SLC4A8: variants seen among roughly 807,000 people sequenced by gnomAD.
SLC4A8 encodes the protein solute carrier family 4 member 8.
A neutral mutation model predicts 125.0 loss-of-function variants in SLC4A8; 40 were observed. That is an observed-to-expected ratio of 0.32 (90% CI 0.25 to 0.42). The LOEUF (loss-of-function observed/expected upper bound fraction) is 0.42, where lower values mean the gene tolerates loss of function less well. Ranked by LOEUF, SLC4A8 falls within the 10% of genes least tolerant of loss-of-function variation. The pLI is 1.00. For missense variants in SLC4A8, 863 were observed against 1,355.1 expected (o/e 0.64, Z 5.70); for synonymous variants, 456 against 476.0 (o/e 0.96, Z 0.55).
intron 8 of SLC4A8, 73 bp from the exon 9 acceptor site, chr12:51,461,131 T>C (rs1364157043): frequency 5.8e-6 from 4 of 687,818 alleles, no homozygotes; most frequent in Non-Finnish European, 1.0e-5. Flanking sequence ...AGAAATCTTA[T>C]ACTGTTTAGA....
At chr12:51,435,824 A>G (rs550259705) in intron 1 of SLC4A8, among the ~76,000 whole-genome samples, 21 of 152,194 alleles carry the variant, frequency 1.4e-4, no homozygotes, top group South Asian at 2.1e-4. Context: ...ACTATCTAAC[A>G]TAATAAGATG....
chr12:51,489,243 A>G (rs967667952), intron 18 of SLC4A8, among the ~76,000 whole-genome samples: 1 of 152,176 alleles, frequency 6.6e-6, no homozygotes, highest in East Asian at 1.9e-4. Flanking sequence ...TATAGTTTCT[A>G]GGCCGAAACT....
intron 17 of SLC4A8, among the ~76,000 whole-genome samples, chr12:51,488,161 G>T (rs1242898365): frequency 6.6e-6 from 1 of 152,208 alleles, no homozygotes; most frequent in Non-Finnish European, 1.5e-5. Flanking sequence ...TGAGCAAAAG[G>T]GGCTTGCTGC....
intron 1 of SLC4A8, among the ~76,000 whole-genome samples, chr12:51,396,903 G>T (rs2137914303): frequency 1.4e-5 from 2 of 143,824 alleles, no homozygotes; most frequent in South Asian, 4.5e-4. Flanking sequence ...AATTTATTAT[G>T]ATTTTACTTC....
At chr12:51,500,695 CT>C (rs146022498) in intron 22 of SLC4A8, among the ~76,000 whole-genome samples, 2 of 150,102 alleles carry the variant, frequency 1.3e-5, no homozygotes, top group African/African-American at 2.4e-5. Flanking sequence ...ATTTTCTTTT[CT>C]TTTTTTTTGA....
intron 1 of SLC4A8, among the ~76,000 whole-genome samples, chr12:51,403,859 T>G (rs1948441209): frequency 6.6e-6 from 1 of 152,262 alleles, no homozygotes; most frequent in Admixed American, 6.5e-5. Context: ...TTGCTAGCAT[T>G]GCTAAAAGGC....
At chr12:51,400,771 TATATATACATACATACACAC>T (rs1369860508) in intron 1 of SLC4A8, among the ~76,000 whole-genome samples, 1 of 4,478 alleles carries the variant, frequency 2.2e-4, no homozygotes, top group African/African-American at 6.6e-4. Flanking sequence ...TATATATATA[TATATATACATACATACACAC>T]ACACACACAC....
chr12:51,469,066 T>C (rs1037967332), intron 11 of SLC4A8: 2 of 153,052 alleles, frequency 1.3e-5, no homozygotes, highest in African/African-American at 4.8e-5. Context: ...AGCAGGGCTG[T>C]TCATGTCTTG....
intron 1 of SLC4A8, among the ~76,000 whole-genome samples, chr12:51,402,744 A>G (rs1384535327): frequency 6.6e-6 from 1 of 152,288 alleles, no homozygotes. Context: ...AATGAAAGCT[A>G]AAGTGGTCAG....
intron 19 of SLC4A8, among the ~76,000 whole-genome samples, 186 bp downstream of exon 19, chr12:51,490,137 A>G (rs1176602061): frequency 1.3e-5 from 2 of 152,216 alleles, no homozygotes; most frequent in Non-Finnish European, 2.9e-5. Context: ...AACAAACATG[A>G]TAACTACAGA....
chr12:51,403,197 A>C (rs1167316519), intron 1 of SLC4A8: 5 of 391,000 alleles, frequency 1.3e-5, no homozygotes. Context: ...ACTCAGAAGC[A>C]CTCCTCGCTA....
chr12:51,468,119 G>T (rs1004145559), intron 11 of SLC4A8, among the ~76,000 whole-genome samples: 1 of 152,092 alleles, frequency 6.6e-6, no homozygotes, highest in African/African-American at 2.4e-5. Context: ...ATAAAATGCC[G>T]AGTGGCTCTT....
chr12:51,419,402 A>G (rs1159309754), intron 1 of SLC4A8, among the ~76,000 whole-genome samples: 8 of 152,230 alleles, frequency 5.3e-5, no homozygotes, highest in East Asian at 1.9e-4. Flanking sequence ...TTATCCCTAA[A>G]TAGATAAGAT....
At chr12:51,442,065 C>T (rs1949615112) in intron 2 of SLC4A8, among the ~76,000 whole-genome samples, 1 of 152,118 alleles carries the variant, frequency 6.6e-6, no homozygotes, top group Admixed American at 6.5e-5. Flanking sequence ...TCCTTTTCAT[C>T]TTCATAGCAC....
rs1592188004 is a variant in SLC4A8, at chr12:51,440,967, C to T, written c.130+178C>T. 3 of 984,076 alleles carry T rather than the reference C, an allele frequency of 3.0e-6. No individual in the cohort carries two copies. The East Asian group carries it at 9.2e-5, about 30-fold the overall frequency. The allele number at this position is 984,076 out of a possible 1,614,324, so 61.0% of individuals were successfully genotyped here. ...TAAAAGTGGGGATACTAATACTTGT[C>T]CTACCTTACAGGGATATCATTAGGA... On this transcript the variant is annotated intron_variant, in intron 2 of 24. Coordinates refer to ENST00000453097, the MANE Select transcript of SLC4A8 (RefSeq NM_001039960.3).
chr12:51,417,350 ATT>A (rs753191543), intron 1 of SLC4A8, among the ~76,000 whole-genome samples: 1 of 143,120 alleles, frequency 7.0e-6, no homozygotes. Flanking sequence ...TAGTTTTTGA[ATT>A]TTTTTTTTTT....
intron 17 of SLC4A8, 111 bp from the exon 18 acceptor site, chr12:51,488,586 TTA>T: frequency 1.3e-6 from 1 of 790,254 alleles, no homozygotes; most frequent in South Asian, 2.6e-5. Context: ...TTTTTTTTTT[TTA>T]AGAACCTCAC....
intron 1 of SLC4A8, among the ~76,000 whole-genome samples, chr12:51,427,844 A>G (rs968062958): frequency 3.9e-5 from 6 of 152,022 alleles, no homozygotes; most frequent in Non-Finnish European, 8.8e-5. Context: ...CTGTAAGACT[A>G]CTCTCCACAT....
intron 1 of SLC4A8, among the ~76,000 whole-genome samples, chr12:51,394,422 C>T (rs569368922): frequency 2.6e-5 from 4 of 152,298 alleles, no homozygotes; most frequent in South Asian, 2.1e-4. Context: ...ACAGGAAGGA[C>T]GGTGCAGGCT....
Sources: allele counts gnomAD v4.1 joint callset (sites outside exome capture counted in the v4.1 genomes callset), GRCh38; gene constraint gnomAD v4.1.1; transcripts MANE v1.5; gene names NCBI Gene and HGNC (gene_info 2026-07-23, HGNC 2026-07-21).